The following OSBPL6 variants were observed in gnomAD, a reference collection of about 807,000 sequenced individuals.
OSBPL6 encodes oxysterol-binding protein-related protein 6.
In OSBPL6, 49 loss-of-function variants were observed where a neutral mutation model predicts 125.8. That is an observed-to-expected ratio of 0.39 (90% confidence interval 0.31 to 0.49). The LOEUF (loss-of-function observed/expected upper bound fraction) is 0.49, where lower values mean the gene tolerates loss of function less well. Among genes scored for constraint, OSBPL6 ranks in the 20% least tolerant of loss-of-function variants. OSBPL6 has a pLI of 0.88. For missense variants in OSBPL6, 986 were observed against 1,135.4 expected (o/e 0.87, Z 1.89); for synonymous variants, 394 against 391.8 (o/e 1.01, Z -0.07).
At chr2:178,276,371 G>GT (rs71023438) in intron 1 of OSBPL6, among the ~76,000 whole-genome samples, 5,331 of 122,746 alleles carry the variant, frequency 0.043, 163 homozygotes, top group Non-Finnish European at 0.053. Flanking sequence ...ATTCTAAATG[G>GT]TTTTTTTTTT....
intron 1 of OSBPL6, among the ~76,000 whole-genome samples, chr2:178,258,864 T>C (rs537058964): frequency 1.1e-4 from 17 of 152,318 alleles, no homozygotes; most frequent in African/African-American, 3.6e-4. Context: ...TTTATTCAGA[T>C]TCAAGTCTGT....
chr2:178,272,160 T>C (rs1054428976), intron 1 of OSBPL6, among the ~76,000 whole-genome samples: 1 of 152,186 alleles, frequency 6.6e-6, no homozygotes, highest in African/African-American at 2.4e-5. Context: ...TGGAGCTTCA[T>C]GTAAGAGTGA....
chr2:178,215,177 T>C (rs1010347649), intron 1 of OSBPL6, among the ~76,000 whole-genome samples: 4 of 152,096 alleles, frequency 2.6e-5, no homozygotes, highest in African/African-American at 9.7e-5. Flanking sequence ...AATGTTTTAT[T>C]CAGTGGGTTT....
intron 11 of OSBPL6, among the ~76,000 whole-genome samples, chr2:178,343,864 T>C (rs978476510): frequency 6.6e-6 from 1 of 152,214 alleles, no homozygotes; most frequent in Non-Finnish European, 1.5e-5. Flanking sequence ...GAGGCTCTCA[T>C]TACAACCTGT....
intron 3 of OSBPL6, among the ~76,000 whole-genome samples, chr2:178,317,157 T>C (rs1223961014): frequency 6.6e-6 from 1 of 151,944 alleles, no homozygotes; most frequent in Non-Finnish European, 1.5e-5. Context: ...TAAAACAGTA[T>C]TTGGAATGTA....
At chr2:178,381,607 C>T (rs1694483506) in intron 15 of OSBPL6, among the ~76,000 whole-genome samples, 1 of 152,162 alleles carries the variant, frequency 6.6e-6, no homozygotes, top group African/African-American at 2.4e-5. Flanking sequence ...CCTGCCTCAG[C>T]CTCCCAAAGT....
rs1170295462 is a variant in OSBPL6 at position 178,389,163 on chromosome 2, A to G, written c.2301+10A>G. On this transcript the variant is annotated intron_variant, in intron 21 of 24. Coordinates refer to ENST00000190611, the MANE Select transcript of OSBPL6 (RefSeq NM_032523.4). ...ACTCACATTTGTCAAGGTAAATACT[A>G]TCATACAACAGTAAAGGAAAATGAG... 2 of 1,612,046 alleles carry G rather than the reference A, an allele frequency of 1.2e-6. No homozygotes were observed. The highest frequency in any genetic ancestry group is 2.2e-5 in the East Asian group (1 of 44,792).
At position 178,401,797 on chromosome 2, in the gene OSBPL6, A is replaced by T. The variant is rs926074111; in HGVS notation, c.*6238A>T. On this transcript the variant is annotated 3_prime_UTR_variant, in exon 25 of 25. Coordinates refer to ENST00000190611, the MANE Select transcript of OSBPL6 (RefSeq NM_032523.4). ...GTGTGGACCGAGAATCCTCATTGTA[A>T]CAAGCACCCTCTGCCCCCGGGACAT... The T allele has an allele frequency of 2.0e-5, 3 of 152,242 alleles. No homozygotes were observed. The highest frequency in any genetic ancestry group is 4.8e-5 in the African/African-American group (2 of 41,430). The allele number at this position is 152,242 out of a possible 1,614,324, so 9.4% of individuals were successfully genotyped here.
chr2:178,258,418 C>T (rs1196173391), intron 1 of OSBPL6, among the ~76,000 whole-genome samples: 1 of 152,094 alleles, frequency 6.6e-6, no homozygotes, highest in Middle Eastern at 3.2e-3. Flanking sequence ...TTTTAAAAGA[C>T]ATTTTATCAT....
rs749740129 is a variant in OSBPL6, at chr2:178,392,417, A to G, written c.2452A>G (p.Met818Val). Residue 818 changes from methionine to valine, a missense_variant, in exon 23 of 25, where the codon ATG (methionine) becomes GTG (valine). This residue lies in a region of OSBPL6 where 843 missense variants were observed against 997.3 expected (regional missense o/e 0.85). Transcript: ENST00000190611. Reference protein sequence around the residue: ...SAKCIWRPGSMPTNYELYYGF... With the variant: ...SAKCIWRPGSVPTNYELYYGF... ...GTTCATTGGCCTCTTTCCAGGTTCC[A>G]TGCCAACAAACTATGAGCTGTACTA... The G allele has an allele frequency of 1.2e-6, 2 of 1,614,006 alleles. No individual in the cohort carries two copies. The highest frequency in any genetic ancestry group is 3.3e-5 in the Admixed American group (2 of 60,018).
At chr2:178,326,277 T>C (rs1028866779) in intron 4 of OSBPL6, among the ~76,000 whole-genome samples, 2 of 152,118 alleles carry the variant, frequency 1.3e-5, no homozygotes, top group Non-Finnish European at 2.9e-5. Context: ...AGAAAGGAAA[T>C]GTCTCTGTTT....
intron 15 of OSBPL6, among the ~76,000 whole-genome samples, chr2:178,377,439 C>T (rs151275318): frequency 3.3e-4 from 50 of 152,336 alleles, no homozygotes; most frequent in South Asian, 4.1e-4. Context: ...CCACCTCCAA[C>T]ACTGGGGATT....
In OSBPL6 at chr2:178,398,113, G is replaced by A. The variant is rs1695959104; in HGVS notation, c.*2554G>A. ...CCCCTTTTTTACTTTTTATTGACAT[G>A]GTGGTTATAAAATGAAGAGACTTAC... On this transcript the variant is annotated 3_prime_UTR_variant, in exon 25 of 25. Coordinates refer to ENST00000190611, the MANE Select transcript of OSBPL6 (RefSeq NM_032523.4). The A allele has an allele frequency of 6.6e-6, 1 of 152,066 alleles. No homozygotes were observed. The highest frequency in any genetic ancestry group is 1.5e-5 in the Non-Finnish European group (1 of 68,000). The allele number at this position is 152,066 out of a possible 1,614,324, so 9.4% of individuals were successfully genotyped here.
intron 1 of OSBPL6, among the ~76,000 whole-genome samples, chr2:178,244,133 G>A (rs1056475354): frequency 2.6e-5 from 4 of 152,114 alleles, no homozygotes; most frequent in Admixed American, 6.6e-5. Context: ...CTCAAACTCC[G>A]CTGGTCTGGT....
chr2:178,382,709 G>T (rs1044419952), intron 16 of OSBPL6: 55 of 1,448,606 alleles, frequency 3.8e-5, no homozygotes, highest in Non-Finnish European at 4.9e-5. Flanking sequence ...ATAGTTAAGA[G>T]AAAACGTTTT....
In OSBPL6 at chr2:178,336,401, A is replaced by G; in HGVS notation, c.758A>G (p.Gln253Arg). ...CAGAGTAAAGTGGCAGCCTGGTTAC[A>G]GGACTCGGAAGAGATGGACAGGTGT... ...TGQSKVAAWL[Q>R]DSEEMDRCAE... The change falls in exon 9 of 25, where the codon CAG (glutamine) becomes CGG (arginine). Residue 253 changes from glutamine (Q) to arginine (R), a missense_variant. Gln to Arg is a conservative substitution (Grantham distance 43). Coordinates refer to ENST00000190611, the MANE Select transcript of OSBPL6 (RefSeq NM_032523.4). 1.9e-6 allele frequency: 3 copies of G among 1,614,132 alleles called. No individual in the cohort carries two copies. The highest frequency in any genetic ancestry group is 2.5e-6 in the Non-Finnish European group (3 of 1,180,016).
chr2:178,209,111 G>A (rs2089706763), intron 1 of OSBPL6, among the ~76,000 whole-genome samples: 1 of 152,114 alleles, frequency 6.6e-6, no homozygotes, highest in Non-Finnish European at 1.5e-5. Flanking sequence ...CGTCTTTGGT[G>A]TGCCGTTTCA....
chr2:178,295,688 T>A (rs1685686197), intron 2 of OSBPL6, among the ~76,000 whole-genome samples: 1 of 152,190 alleles, frequency 6.6e-6, no homozygotes, highest in African/African-American at 2.4e-5. Context: ...GGGCTCATGA[T>A]AGAGCTTTTT....
chr2:178,322,719 T>G (rs555325244), intron 3 of OSBPL6, among the ~76,000 whole-genome samples: 21 of 152,260 alleles, frequency 1.4e-4, no homozygotes, highest in Admixed American at 1.2e-3. Flanking sequence ...TCTAAATGGT[T>G]ATTTCAAAAA....
Sources: gnomAD v4.1 joint callset for allele counts (sites outside exome capture counted in the v4.1 genomes callset) on GRCh38, gnomAD v4.1.1 for gene constraint, gnomAD v4.1.1 regional missense constraint, MANE v1.5 for transcripts, NCBI Gene and HGNC (gene_info 2026-07-23, HGNC 2026-07-21) for gene names.